HS6ST3: variants seen among roughly 807,000 people sequenced by gnomAD.
HS6ST3 encodes heparan sulfate 6-O-sulfotransferase 3, also known as heparan-sulfate 6-O-sulfotransferase 3.
A neutral mutation model predicts 36.7 loss-of-function variants in HS6ST3; 12 were observed. That is an observed-to-expected ratio of 0.33 (90% CI 0.21 to 0.53). The LOEUF is 0.53. Among genes scored for constraint, HS6ST3 ranks in the 20% least tolerant of loss-of-function variants. The pLI, the probability that HS6ST3 is intolerant of heterozygous loss-of-function variation, is 0.95. For missense variants in HS6ST3, 584 were observed against 640.9 expected, an observed-to-expected ratio of 0.91 and a Z score of 0.96; for synonymous variants, 240 against 257.5, an observed-to-expected ratio of 0.93 and a Z score of 0.65.
intron 1 of HS6ST3, among the ~76,000 whole-genome samples, chr13:96,318,403 C>A (rs1010147069): frequency 1.3e-5 from 2 of 151,754 alleles, no homozygotes; most frequent in Non-Finnish European, 2.9e-5. Context: ...ATGGTGGCAG[C>A]TGCCTGTAAT....
chr13:96,140,948 A>G (rs998281820), intron 1 of HS6ST3, among the ~76,000 whole-genome samples: 1 of 152,200 alleles, frequency 6.6e-6, no homozygotes, highest in Non-Finnish European at 1.5e-5. Flanking sequence ...AAAAATGTCA[A>G]CATAACAGGA....
intron 1 of HS6ST3, among the ~76,000 whole-genome samples, chr13:96,593,170 CTTTCTTTTTTTTTTTT>C (rs2056388993): frequency 2.0e-5 from 1 of 50,284 alleles, no homozygotes. Flanking sequence ...TATTTTCTTT[CTTTCTTTTTTTTTTTT>C]TTTTTTTTTT....
At chr13:96,401,613 C>T (rs568853564) in intron 1 of HS6ST3, among the ~76,000 whole-genome samples, 5 of 152,306 alleles carry the variant, frequency 3.3e-5, no homozygotes, top group South Asian at 4.1e-4. Context: ...CTTGCTCTGT[C>T]GCCCAGGCTG....
chr13:96,493,043 T>A (rs1003949446), intron 1 of HS6ST3, among the ~76,000 whole-genome samples: 4 of 152,208 alleles, frequency 2.6e-5, no homozygotes, highest in Non-Finnish European at 5.9e-5. Context: ...GAACCACGCT[T>A]AGAAAAAGTT....
intron 1 of HS6ST3, among the ~76,000 whole-genome samples, chr13:96,741,316 A>T (rs1255472397): frequency 6.6e-6 from 1 of 152,204 alleles, no homozygotes; most frequent in Non-Finnish European, 1.5e-5. Context: ...TTTCAAAAGA[A>T]TCAGCTTCTT....
At chr13:96,167,696 G>A (rs1301497556) in intron 1 of HS6ST3, among the ~76,000 whole-genome samples, 3 of 152,128 alleles carry the variant, frequency 2.0e-5, no homozygotes, top group South Asian at 2.1e-4. Flanking sequence ...ATGCTGAATC[G>A]TGCAAGTACT....
chr13:96,270,261 T>C (rs2054713512), intron 1 of HS6ST3, among the ~76,000 whole-genome samples: 1 of 151,832 alleles, frequency 6.6e-6, no homozygotes, highest in Admixed American at 6.6e-5. Flanking sequence ...GGGAACCTAC[T>C]TTGCTGGCAC....
At chr13:96,729,534 G>A (rs1049692996) in intron 1 of HS6ST3, among the ~76,000 whole-genome samples, 1 of 152,092 alleles carries the variant, frequency 6.6e-6, no homozygotes, top group African/African-American at 2.4e-5. Flanking sequence ...GTGGCTCACT[G>A]CAGCCTCTGC....
intron 1 of HS6ST3, among the ~76,000 whole-genome samples, chr13:96,464,937 C>A (rs1472372480): frequency 7.0e-6 from 1 of 142,604 alleles, no homozygotes; most frequent in Non-Finnish European, 1.5e-5. Context: ...ACTATATTGG[C>A]AAGATGCTTC....
chr13:96,496,061 A>T (rs1435655498), intron 1 of HS6ST3, among the ~76,000 whole-genome samples: 2 of 152,180 alleles, frequency 1.3e-5, no homozygotes, highest in East Asian at 1.9e-4. Context: ...ACATTAGAGG[A>T]AGCAGGGTGA....
intron 1 of HS6ST3, among the ~76,000 whole-genome samples, chr13:96,303,899 T>C (rs1257301141): frequency 6.6e-6 from 1 of 152,140 alleles, no homozygotes; most frequent in Admixed American, 6.5e-5. Context: ...TCCCAGTAGT[T>C]TGAGAGGCTG....
At chr13:96,146,084 G>A (rs1324547063) in intron 1 of HS6ST3, among the ~76,000 whole-genome samples, 3 of 152,176 alleles carry the variant, frequency 2.0e-5, no homozygotes, top group African/African-American at 7.2e-5. Flanking sequence ...AAGTCAGGTA[G>A]CATGATGCCT....
intron 1 of HS6ST3, among the ~76,000 whole-genome samples, chr13:96,650,241 C>T (rs1040527673): frequency 4.6e-5 from 7 of 152,018 alleles, no homozygotes; most frequent in African/African-American, 1.4e-4. Context: ...TGTATATCCC[C>T]AACTAGCTGT....
At chr13:96,364,163 C>T (rs572281564) in intron 1 of HS6ST3, among the ~76,000 whole-genome samples, 1 of 152,072 alleles carries the variant, frequency 6.6e-6, no homozygotes, top group South Asian at 2.1e-4. Flanking sequence ...AAAATTGAAA[C>T]CCATGTACAC....
intron 1 of HS6ST3, among the ~76,000 whole-genome samples, chr13:96,543,527 AAGAT>A (rs1359366650): frequency 6.6e-6 from 1 of 152,200 alleles, no homozygotes; most frequent in African/African-American, 2.4e-5. Context: ...AGGGATATAA[AAGAT>A]AGAACTATTT....
chr13:96,618,523 G>A (rs2056482656), intron 1 of HS6ST3, among the ~76,000 whole-genome samples: 1 of 152,126 alleles, frequency 6.6e-6, no homozygotes. Context: ...AGGTATTGGG[G>A]CCCTTATTTG....
intron 1 of HS6ST3, among the ~76,000 whole-genome samples, chr13:96,778,412 T>C (rs1877445004): frequency 1.3e-5 from 2 of 152,190 alleles, no homozygotes; most frequent in Non-Finnish European, 2.9e-5. Flanking sequence ...AGAAAATTTT[T>C]GCAATCTATC....
At chr13:96,124,100 A>G (rs2053939235) in intron 1 of HS6ST3, among the ~76,000 whole-genome samples, 1 of 152,192 alleles carries the variant, frequency 6.6e-6, no homozygotes, top group Non-Finnish European at 1.5e-5. Context: ...ATTTTTTCAT[A>G]TGGGGACTGA....
At chr13:96,491,421 A>G (rs1292925767) in intron 1 of HS6ST3, among the ~76,000 whole-genome samples, 1 of 134,336 alleles carries the variant, frequency 7.4e-6, no homozygotes, top group East Asian at 2.1e-4. Context: ...GAAGAAAATG[A>G]TTTTCTTAAT....
Sources: allele counts gnomAD v4.1 joint callset (sites outside exome capture counted in the v4.1 genomes callset), GRCh38; gene constraint gnomAD v4.1.1; transcripts MANE v1.5; gene names NCBI Gene and HGNC (gene_info 2026-07-23, HGNC 2026-07-21).